Variants in RPS6KA2 observed in about 807,000 individuals in gnomAD.
The protein encoded by RPS6KA2 is ribosomal protein S6 kinase A2, also known as ribosomal protein S6 kinase alpha-2.
In RPS6KA2, 42 loss-of-function variants were observed where a neutral mutation model predicts 91.8. That is an observed-to-expected ratio of 0.46 (90% confidence interval 0.36 to 0.59). The LOEUF is 0.59. Ranked by LOEUF, RPS6KA2 falls within the 20% of genes least tolerant of loss-of-function variation. The pLI, the probability that RPS6KA2 is intolerant of heterozygous loss-of-function variation, is 0.00. For synonymous variants in RPS6KA2, 414 were observed against 393.6 expected, an observed-to-expected ratio of 1.05 and a Z score of -0.61; for missense variants, 798 against 978.5, an observed-to-expected ratio of 0.82 and a Z score of 2.46.
chr6:166,794,797 T>C (rs181212202), intron 2 of RPS6KA2, among the ~76,000 whole-genome samples: 3 of 144,896 alleles, frequency 2.1e-5, no homozygotes, highest in Non-Finnish European at 3.0e-5. Context: ...TAGGTAGGAA[T>C]TGAACAATGA....
At chr6:166,464,105 C>A (rs559170951) in intron 11 of RPS6KA2, among the ~76,000 whole-genome samples, 1 of 152,204 alleles carries the variant, frequency 6.6e-6, no homozygotes, top group Admixed American at 6.5e-5. Flanking sequence ...GGCCCTGACC[C>A]GCAGCCTACA....
At chr6:166,679,374 G>C (rs1037759577) in intron 2 of RPS6KA2, among the ~76,000 whole-genome samples, 2 of 152,066 alleles carry the variant, frequency 1.3e-5, no homozygotes, top group Non-Finnish European at 2.9e-5. Context: ...TGAGGCAGAA[G>C]AATCACTTGA....
chr6:166,560,254 T>C (rs1180223450), intron 1 of RPS6KA2, among the ~76,000 whole-genome samples: 2 of 152,248 alleles, frequency 1.3e-5, no homozygotes, highest in Non-Finnish European at 2.9e-5. Context: ...GCCCAGTTCC[T>C]GGGATTCCAA....
intron 17 of RPS6KA2, among the ~76,000 whole-genome samples, chr6:166,421,627 G>A (rs1276293985): frequency 6.6e-6 from 1 of 152,048 alleles, no homozygotes; most frequent in Non-Finnish European, 1.5e-5. Flanking sequence ...AAAATTCTCT[G>A]TTCTTTGTTG....
chr6:166,835,407 C>A (rs1780292662), intron 2 of RPS6KA2, among the ~76,000 whole-genome samples: 1 of 152,218 alleles, frequency 6.6e-6, no homozygotes, highest in Non-Finnish European at 1.5e-5. Context: ...GTCTTCTGAT[C>A]ATGACCTTAG....
In RPS6KA2 at chr6:166,411,223, T is replaced by A. The variant is rs1028488288; in HGVS notation, c.*1539A>T. 3.9e-5 allele frequency: 6 copies of A among 152,172 alleles called. No individual in the cohort carries two copies. The East Asian group carries it at 5.8e-4, about 15-fold the overall frequency. 9.4% of individuals were successfully genotyped at this position (152,172 alleles called of 1,614,324 possible). On this transcript the variant is annotated 3_prime_UTR_variant, in exon 21 of 21. Transcript: ENST00000265678. This position sits in a 1 kb window ranked among gnomAD's most constrained non-coding sequence, Gnocchi z 4.5. The stretch of plus-strand genomic sequence containing the variant: ...ACGCAGCACATTTTTTCTTTATTTT[T>A]TTTTTTTTAGTTGGGTACGAGAATC...
chr6:166,728,574 C>T (rs1790417438), intron 2 of RPS6KA2, among the ~76,000 whole-genome samples: 1 of 152,164 alleles, frequency 6.6e-6, no homozygotes, highest in South Asian at 2.1e-4. Flanking sequence ...AGAAGCCCTC[C>T]TCCCCGTCAG....
At chr6:166,693,684 C>A (rs1789277971) in intron 2 of RPS6KA2, among the ~76,000 whole-genome samples, 1 of 152,216 alleles carries the variant, frequency 6.6e-6, no homozygotes, top group Non-Finnish European at 1.5e-5. Flanking sequence ...ATGTCGTTTG[C>A]ATCCTTGTGA....
At chr6:166,605,522 T>C (rs956102486) in intron 1 of RPS6KA2, among the ~76,000 whole-genome samples, 1 of 152,238 alleles carries the variant, frequency 6.6e-6, no homozygotes. Context: ...TTTTAAAATA[T>C]CATGCTTCCT....
intron 2 of RPS6KA2, among the ~76,000 whole-genome samples, chr6:166,682,770 C>T (rs1313822040): frequency 6.6e-6 from 1 of 152,104 alleles, no homozygotes; most frequent in Non-Finnish European, 1.5e-5. Flanking sequence ...AATAACAGCC[C>T]TACTGCCTGT....
chr6:166,637,456 AG>A lies in RPS6KA2; in HGVS notation c.124-98673del, dbSNP rs1204114676. On this transcript the variant is annotated intron_variant, in intron 2 of 21. Transcript: ENST00000503859. ...GCCCTGAGAGGAACAATGAGCCGAGAGGAACAATGAGCAGGTGCCAGGTCGG... is the reference window on the plus strand; with the variant it reads ...GCCCTGAGAGGAACAATGAGCCGAGAGAACAATGAGCAGGTGCCAGGTCGG... 4.6e-5 allele frequency among the ~76,000 whole-genome samples: 7 copies of A among 152,304 alleles called. No homozygotes were observed. The South Asian group carries it at 8.3e-4, about 18-fold the overall frequency.
rs1231778936 is a variant in RPS6KA2, at chr6:166,732,520, A to G, written c.123+125680T>C. 6.6e-6 allele frequency among the ~76,000 whole-genome samples: 1 copy of G among 152,200 alleles called. No individual in the cohort carries two copies. The highest frequency in any genetic ancestry group is 1.5e-5 in the Non-Finnish European group (1 of 68,026). On this transcript the variant is annotated intron_variant, in intron 2 of 21. Coordinates refer to the RPS6KA2 transcript ENST00000503859. This position sits in a 1 kb window ranked among gnomAD's most constrained non-coding sequence, Gnocchi z 4.0. ...ACCGGGAATCACTGAACCTTATCAC[A>G]TGGGCTTGCTATGGGAGTTCACATG...
intron 2 of RPS6KA2, among the ~76,000 whole-genome samples, chr6:166,738,811 G>C (rs765980033): frequency 1.3e-5 from 2 of 152,186 alleles, no homozygotes; most frequent in Non-Finnish European, 2.9e-5. Flanking sequence ...CTTGAGTCCA[G>C]CAATGGAATC....
At chr6:166,630,393 AT>A (rs1466073989), upstream of RPS6KA2, among the ~76,000 whole-genome samples, 4 of 152,264 alleles carry the variant, frequency 2.6e-5, no homozygotes, top group Non-Finnish European at 5.9e-5. Context: ...ACTCCCACAT[AT>A]TTTCAATAAA....
chr6:166,535,463 A>T (rs570892597), intron 2 of RPS6KA2, among the ~76,000 whole-genome samples: 131 of 152,356 alleles, frequency 8.6e-4, no homozygotes, highest in Middle Eastern at 3.4e-3. Flanking sequence ...AAGGATTTTT[A>T]AAAAACTTTG....
chr6:166,558,930 T>C lies in RPS6KA2; in HGVS notation c.100-20146A>G, dbSNP rs551869040. 4.6e-5 allele frequency among the ~76,000 whole-genome samples: 7 copies of C among 152,336 alleles called. No homozygotes were observed. The South Asian group carries it at 1.5e-3, about 32-fold the overall frequency. On this transcript the variant is annotated intron_variant, in intron 1 of 20. Transcript: ENST00000265678. ...ATGTGAGGCAGAAATTCTTGAAAGA[T>C]TATATTGGAGTTTCAGAGTTTTTGT... is the stretch of plus-strand genomic sequence containing the variant.
chr6:166,762,084 A>T (rs1022984155), intron 2 of RPS6KA2, among the ~76,000 whole-genome samples: 1 of 152,172 alleles, frequency 6.6e-6, no homozygotes, highest in African/African-American at 2.4e-5. Context: ...GTGTCACCAC[A>T]GAGGTACATG....
intron 2 of RPS6KA2, among the ~76,000 whole-genome samples, chr6:166,834,449 G>A (rs981382155): frequency 8.5e-5 from 13 of 152,278 alleles, no homozygotes; most frequent in Middle Eastern, 6.8e-3. Context: ...AACAACAGAC[G>A]TTGGGGTGTA....
At chr6:166,489,818 G>C (rs113461288) in intron 9 of RPS6KA2, among the ~76,000 whole-genome samples, 2,954 of 152,186 alleles carry the variant, frequency 0.019, 116 homozygotes, top group African/African-American at 0.067. Context: ...CAAAAGCTGA[G>C]CTGGTGGTGT....
Sources: allele counts gnomAD v4.1 joint callset (sites outside exome capture counted in the v4.1 genomes callset), GRCh38; gene constraint gnomAD v4.1.1; non-coding constraint Gnocchi (gnomAD v3.1); transcripts MANE v1.5; gene names NCBI Gene and HGNC (gene_info 2026-07-23, HGNC 2026-07-21).